The following TRDN variants were observed in gnomAD, a reference collection of about 807,000 sequenced individuals.
TRDN encodes triadin.
A neutral mutation model predicts 149.7 loss-of-function variants in TRDN; 161 were observed. That is an observed-to-expected ratio of 1.08 (90% CI 0.95 to 1.23). The LOEUF is 1.23. Among genes scored for constraint, TRDN ranks in the 50% most tolerant of loss-of-function variants. The pLI is 0.00. For missense variants in TRDN, 896 were observed against 823.5 expected, an observed-to-expected ratio of 1.09 and a Z score of -1.08; for synonymous variants, 294 against 250.5, an observed-to-expected ratio of 1.17 and a Z score of -1.64.
intron 8 of TRDN, among the ~76,000 whole-genome samples, chr6:123,499,719 A>AAAAAAATATATATATATAT: frequency 1.0e-4 from 5 of 47,656 alleles, no homozygotes; most frequent in African/African-American, 2.1e-4. Context: ...AAAAAAAAAA[A>AAAAAAATATATATATATAT]ATATATATAT....
chr6:123,289,525 G>C (rs1213123596), intron 24 of TRDN, among the ~76,000 whole-genome samples: 1 of 152,134 alleles, frequency 6.6e-6, no homozygotes, highest in East Asian at 1.9e-4. Context: ...GGGCCTCAGT[G>C]AAAGCAGCTT....
chr6:123,577,291 C>T (rs1395020576), intron 1 of TRDN, among the ~76,000 whole-genome samples: 1 of 152,070 alleles, frequency 6.6e-6, no homozygotes, highest in Non-Finnish European at 1.5e-5. Flanking sequence ...GCTCCTGTCC[C>T]TCCTGCCACC....
chr6:123,448,483 A>G (rs1432373788), intron 10 of TRDN, among the ~76,000 whole-genome samples: 4 of 151,908 alleles, frequency 2.6e-5, no homozygotes, highest in Non-Finnish European at 5.9e-5. Flanking sequence ...TTCCCTGTCA[A>G]CCTGCATGAC....
At chr6:123,245,219 T>A (rs1776129436) in intron 38 of TRDN, among the ~76,000 whole-genome samples, 1 of 152,152 alleles carries the variant, frequency 6.6e-6, no homozygotes, top group South Asian at 2.1e-4. Context: ...GGCATCATAA[T>A]GACAGGATCA....
chr6:123,331,120 T>G (rs1253572646), intron 23 of TRDN, among the ~76,000 whole-genome samples: 2 of 152,120 alleles, frequency 1.3e-5, no homozygotes, highest in Non-Finnish European at 2.9e-5. Flanking sequence ...CAGGAAATAT[T>G]AGACAACTCT....
In TRDN at chr6:123,548,506, G is replaced by T. The variant is rs1781228397; in HGVS notation, c.339C>A (p.Ile113=). ...CATCTTCTTCATCTTCAGATGAGAT[G>T]ATGTCAGATAACAAAGAAAAGAAGC... is the stretch of plus-strand genomic sequence containing the variant. The part of the protein sequence containing the change: ...IYGFFSLLSD[I]ISSEDEEDDD... Residue 113 remains isoleucine (I), a synonymous_variant, in exon 3 of 41, where the codon ATC becomes ATA. Coordinates refer to ENST00000334268, the MANE Select transcript of TRDN (RefSeq NM_006073.4). 1 of 1,578,686 alleles carries T rather than the reference G, an allele frequency of 6.3e-7. No homozygotes were observed. Among genetic ancestry groups the T allele is most frequent in the South Asian group, 1.2e-5 (1 of 85,058 alleles).
At chr6:123,525,351 C>T (rs1008012307) in intron 5 of TRDN, among the ~76,000 whole-genome samples, 8 of 152,060 alleles carry the variant, frequency 5.3e-5, no homozygotes, top group Non-Finnish European at 1.2e-4. Context: ...GGTATATATA[C>T]ACCATGGAAT....
intron 9 of TRDN, among the ~76,000 whole-genome samples, chr6:123,489,998 T>C (rs1778143091): frequency 6.6e-6 from 1 of 152,128 alleles, no homozygotes; most frequent in Non-Finnish European, 1.5e-5. Context: ...CAGAGGAAGA[T>C]ATTTCAAAAT....
chr6:123,360,720 G>GGAGAGA lies in TRDN; in HGVS notation c.1321+5409_1321+5414dup, dbSNP rs71541228. ...CAGAGAGAAAGAGAGAGAGAGAGAC[G>GGAGAGA]GAGAGAGAGAGAGAGAGAGAGACAG... On this transcript the variant is annotated intron_variant, in intron 20 of 40. Coordinates refer to ENST00000334268, the MANE Select transcript of TRDN (RefSeq NM_006073.4). 1.4e-3 allele frequency among the ~76,000 whole-genome samples: 203 copies of GGAGAGA among 143,082 alleles called. 1 individual carries two copies. The highest frequency in any genetic ancestry group is 5.2e-3 in the African/African-American group (185 of 35,380). The allele number at this position is 143,082 out of a possible 152,430, so 93.9% of individuals were successfully genotyped here.
chr6:123,246,558 C>G (rs1438114530), intron 38 of TRDN, among the ~76,000 whole-genome samples: 2 of 151,168 alleles, frequency 1.3e-5, no homozygotes, highest in Non-Finnish European at 2.9e-5. Context: ...CTGAATAGAC[C>G]AATAAAACGT....
chr6:123,274,374 A>C (rs140883332), intron 27 of TRDN, among the ~76,000 whole-genome samples: 2 of 152,170 alleles, frequency 1.3e-5, no homozygotes, highest in African/African-American at 4.8e-5. Context: ...TATTAATTTC[A>C]TAAAAACCTT....
At chr6:123,552,727 AG>A (rs1426793698) in intron 2 of TRDN, among the ~76,000 whole-genome samples, 6 of 152,232 alleles carry the variant, frequency 3.9e-5, no homozygotes, top group African/African-American at 1.4e-4. Flanking sequence ...AGTGTTTTGG[AG>A]GACTCCAATT....
chr6:123,525,473 T>A (rs548624028), intron 5 of TRDN, among the ~76,000 whole-genome samples: 1 of 152,114 alleles, frequency 6.6e-6, no homozygotes, highest in Non-Finnish European at 1.5e-5. Context: ...AAATATTGCA[T>A]GTTCTCACTT....
At chr6:123,448,248 G>A (rs567970221) in intron 10 of TRDN, among the ~76,000 whole-genome samples, 18 of 152,280 alleles carry the variant, frequency 1.2e-4, no homozygotes, top group South Asian at 8.3e-4. Flanking sequence ...CCAGAACTCC[G>A]GGGAGGGTGC....
chr6:123,533,150 G>A (rs1334633618), intron 4 of TRDN, among the ~76,000 whole-genome samples: 3 of 151,940 alleles, frequency 2.0e-5, no homozygotes, highest in African/African-American at 7.3e-5. Context: ...ATATAGAGAT[G>A]GCATGAAATT....
chr6:123,527,627 G>C (rs1010077273), intron 5 of TRDN, among the ~76,000 whole-genome samples: 2 of 151,578 alleles, frequency 1.3e-5, no homozygotes, highest in African/African-American at 4.8e-5. Context: ...GTTCCCCAGG[G>C]GCCATTTATA....
chr6:123,514,857 C>G lies in TRDN; in HGVS notation c.550+1284G>C, dbSNP rs529250830. On this transcript the variant is annotated intron_variant, in intron 6 of 40. Transcript: ENST00000334268. The stretch of plus-strand genomic sequence containing the variant: ...CAGAAAACCAAACACTGCATGTTCT[C>G]ACTCATAAGTGGGAGTGAACAATGA... 2.0e-5 allele frequency among the ~76,000 whole-genome samples: 3 copies of G among 151,814 alleles called. No homozygotes were observed. In the East Asian group the frequency reaches 5.8e-4, roughly 29 times the overall value.
intron 1 of TRDN, among the ~76,000 whole-genome samples, chr6:123,608,445 G>GA (rs907014552): frequency 5.3e-5 from 8 of 151,980 alleles, no homozygotes; most frequent in Non-Finnish European, 7.4e-5. Flanking sequence ...ATATCTTAGT[G>GA]AAAAAATGAC....
At chr6:123,478,096 A>T (rs909373265) in intron 9 of TRDN, among the ~76,000 whole-genome samples, 1 of 151,970 alleles carries the variant, frequency 6.6e-6, no homozygotes, top group Non-Finnish European at 1.5e-5. Flanking sequence ...AAAAAAAAAA[A>T]ACCTAATATA....
Sources: allele counts gnomAD v4.1 joint callset (sites outside exome capture counted in the v4.1 genomes callset), GRCh38; gene constraint gnomAD v4.1.1; transcripts MANE v1.5; gene names NCBI Gene and HGNC (gene_info 2026-07-23, HGNC 2026-07-21).